The following CTNNA3 variants were observed in gnomAD, a reference collection of about 807,000 sequenced individuals.
CTNNA3 encodes catenin alpha 3.
A neutral mutation model predicts 95.7 loss-of-function variants in CTNNA3; 76 were observed. That is an observed-to-expected ratio of 0.79 (90% CI 0.66 to 0.96). CTNNA3 has a LOEUF of 0.96. Among genes scored for constraint, CTNNA3 ranks in the 40% least tolerant of loss-of-function variants. The probability of loss-of-function intolerance (pLI) is 0.00; values close to 1 mark genes in which losing one functional copy is unlikely to be tolerated. For missense variants in CTNNA3, 1,191 were observed against 1,089.8 expected (o/e 1.09, Z -1.31); for synonymous variants, 431 against 374.4 (o/e 1.15, Z -1.74).
At chr10:66,735,851 C>T (rs1481746228) in intron 9 of CTNNA3, among the ~76,000 whole-genome samples, 1 of 152,156 alleles carries the variant, frequency 6.6e-6, no homozygotes, top group African/African-American at 2.4e-5. Context: ...TAGGCCTGAC[C>T]ATGAGAGTTG....
At chr10:66,311,059 A>G (rs2132259433) in intron 12 of CTNNA3, among the ~76,000 whole-genome samples, 1 of 152,212 alleles carries the variant, frequency 6.6e-6, no homozygotes, top group East Asian at 1.9e-4. Context: ...ACATTCTATC[A>G]AAGTGTAGGT....
intron 7 of CTNNA3, among the ~76,000 whole-genome samples, chr10:67,013,950 C>G (rs367838129): frequency 1.3e-5 from 2 of 151,992 alleles, no homozygotes; most frequent in African/African-American, 2.4e-5. Context: ...GTCTAAAAAC[C>G]CACTAAATCA....
At chr10:67,214,637 AGTT>A (rs1286373512) in intron 6 of CTNNA3, among the ~76,000 whole-genome samples, 2 of 151,916 alleles carry the variant, frequency 1.3e-5, no homozygotes, top group South Asian at 2.1e-4. Context: ...TTCAGTGAAA[AGTT>A]GTTGACAATA....
intron 7 of CTNNA3, among the ~76,000 whole-genome samples, chr10:67,105,948 G>A (rs1317860852): frequency 6.6e-6 from 1 of 152,128 alleles, no homozygotes; most frequent in Non-Finnish European, 1.5e-5. Context: ...TCAGTGTATT[G>A]GACATCCTTC....
chr10:66,086,058 A>C (rs112128737), intron 14 of CTNNA3, among the ~76,000 whole-genome samples: 3,187 of 152,204 alleles, frequency 0.021, 108 homozygotes, highest in African/African-American at 0.073. Flanking sequence ...ACAAAACATA[A>C]TTCTTCTTGT....
At chr10:66,914,165 C>G (rs922112051) in intron 7 of CTNNA3, among the ~76,000 whole-genome samples, 201 of 143,414 alleles carry the variant, frequency 1.4e-3, no homozygotes, top group African/African-American at 5.2e-3. Flanking sequence ...GAGTCTCACT[C>G]TGTCCCCCAG....
At chr10:67,020,174 T>G (rs1398272993) in intron 7 of CTNNA3, among the ~76,000 whole-genome samples, 2 of 152,274 alleles carry the variant, frequency 1.3e-5, no homozygotes, top group Non-Finnish European at 2.9e-5. Flanking sequence ...CATAGCTTAA[T>G]GAAATTAAAT....
chr10:66,017,982 C>T (rs974724617), intron 15 of CTNNA3, among the ~76,000 whole-genome samples: 5 of 151,922 alleles, frequency 3.3e-5, no homozygotes, highest in Non-Finnish European at 7.4e-5. Context: ...CCCATGAGCT[C>T]GGAAGGTACT....
intron 9 of CTNNA3, among the ~76,000 whole-genome samples, chr10:66,752,842 ACACACACACACACG>A (rs1839203980): frequency 6.6e-6 from 1 of 151,564 alleles, no homozygotes; most frequent in African/African-American, 2.4e-5. Context: ...CCTAAGGAAG[ACACACACACACACG>A]CACACACACA....
intron 9 of CTNNA3, among the ~76,000 whole-genome samples, chr10:66,729,973 G>T (rs1848905385): frequency 6.6e-6 from 1 of 151,906 alleles, no homozygotes; most frequent in Non-Finnish European, 1.5e-5. Context: ...AGGCGTGGTG[G>T]CAGGTGCCTG....
At chr10:67,447,717 A>T (rs754463704) in intron 5 of CTNNA3, among the ~76,000 whole-genome samples, 88 of 152,042 alleles carry the variant, frequency 5.8e-4, no homozygotes, top group Non-Finnish European at 1.2e-3. Flanking sequence ...GTCTTTATTC[A>T]TCCTCATAGC....
intron 5 of CTNNA3, among the ~76,000 whole-genome samples, chr10:67,259,418 T>TA (rs531186766): frequency 8.2e-4 from 119 of 144,720 alleles, no homozygotes; most frequent in Middle Eastern, 3.5e-3. Context: ...AAACAAACAA[T>TA]AAAAAAAAAA....
chr10:66,402,503 A>C (rs2132563855), intron 11 of CTNNA3, among the ~76,000 whole-genome samples: 1 of 152,302 alleles, frequency 6.6e-6, no homozygotes, highest in East Asian at 1.9e-4. Flanking sequence ...TTTGTAAATT[A>C]TTTTCAGTTT....
intron 7 of CTNNA3, among the ~76,000 whole-genome samples, chr10:66,892,656 T>A (rs1845317525): frequency 6.6e-6 from 1 of 152,088 alleles, no homozygotes; most frequent in Admixed American, 6.6e-5. Flanking sequence ...ACTTCAGCAT[T>A]CATGATGCTA....
chr10:66,578,967 GC>G (rs1264570627), intron 10 of CTNNA3, among the ~76,000 whole-genome samples: 9 of 139,466 alleles, frequency 6.5e-5, no homozygotes, highest in East Asian at 5.9e-4. Context: ...TCTGCTCTAG[GC>G]CTTTTTTTTT....
chr10:66,492,754 G>T (rs1465137111), intron 11 of CTNNA3, among the ~76,000 whole-genome samples: 2 of 152,138 alleles, frequency 1.3e-5, no homozygotes, highest in Non-Finnish European at 2.9e-5. Flanking sequence ...CTAGAGGCTT[G>T]AAGTCATTTA....
intron 7 of CTNNA3, among the ~76,000 whole-genome samples, chr10:67,043,746 T>C (rs1383311261): frequency 6.6e-6 from 1 of 152,174 alleles, no homozygotes; most frequent in Non-Finnish European, 1.5e-5. Flanking sequence ...TTGGTATTTG[T>C]GCTTTGTTCT....
intron 5 of CTNNA3, among the ~76,000 whole-genome samples, chr10:67,328,616 C>T (rs911753608): frequency 1.6e-4 from 24 of 152,194 alleles, no homozygotes; most frequent in African/African-American, 5.5e-4. Context: ...TCACCTGTTC[C>T]CTCAGAGCCA....
At chr10:66,693,111 A>G (rs962360048) in intron 9 of CTNNA3, among the ~76,000 whole-genome samples, 7 of 152,160 alleles carry the variant, frequency 4.6e-5, no homozygotes, top group African/African-American at 1.4e-4. Flanking sequence ...CACACATAAC[A>G]CTATTAACTT....
Sources: allele counts gnomAD v4.1 joint callset (sites outside exome capture counted in the v4.1 genomes callset), GRCh38; gene constraint gnomAD v4.1.1; transcripts MANE v1.5; gene names NCBI Gene and HGNC (gene_info 2026-07-23, HGNC 2026-07-21).